Variants in NRG3 observed in about 807,000 individuals in gnomAD.
NRG3 encodes neuregulin 3, also known as pro-neuregulin-3, membrane-bound isoform.
In NRG3, 31 loss-of-function variants were observed where a neutral mutation model predicts 66.9. The observed-to-expected ratio is 0.46, with a 90% CI of 0.35 to 0.63. NRG3 has a LOEUF of 0.63. Among genes scored for constraint, NRG3 ranks in the 20% least tolerant of loss-of-function variants. The pLI is 0.00. For missense variants in NRG3, 910 were observed against 878.9 expected, an observed-to-expected ratio of 1.04 and a Z score of -0.45; for synonymous variants, 393 against 359.4, an observed-to-expected ratio of 1.09 and a Z score of -1.06.
intron 1 of NRG3, among the ~76,000 whole-genome samples, chr10:82,214,372 C>G (rs1186879057): frequency 6.6e-6 from 1 of 152,094 alleles, no homozygotes; most frequent in South Asian, 2.1e-4. Context: ...TTTGTCCCAG[C>G]AGGTGTTCCA....
intron 2 of NRG3, among the ~76,000 whole-genome samples, chr10:82,364,697 G>T (rs556895866): frequency 6.6e-6 from 1 of 152,300 alleles, no homozygotes; most frequent in Non-Finnish European, 1.5e-5. Flanking sequence ...TGCAAAAATG[G>T]ATTTTCAAAA....
At chr10:81,932,232 G>A (rs891983877) in intron 1 of NRG3, among the ~76,000 whole-genome samples, 4 of 150,368 alleles carry the variant, frequency 2.7e-5, no homozygotes, top group Non-Finnish European at 5.9e-5. Flanking sequence ...GAGAGATTGA[G>A]AGAGAGGAGA....
chr10:82,066,728 G>A (rs908658983), intron 1 of NRG3, among the ~76,000 whole-genome samples: 79 of 152,176 alleles, frequency 5.2e-4, no homozygotes, highest in Admixed American at 1.7e-3. Context: ...CTACACCAGT[G>A]AGTATAATGT....
chr10:82,590,221 T>G (rs553724019), intron 2 of NRG3, among the ~76,000 whole-genome samples: 1 of 152,296 alleles, frequency 6.6e-6, no homozygotes, highest in South Asian at 2.1e-4. Context: ...AATTTTTAGC[T>G]CTAGCAAAAC....
chr10:82,016,456 G>C (rs1361440961), intron 1 of NRG3, among the ~76,000 whole-genome samples: 1 of 152,062 alleles, frequency 6.6e-6, no homozygotes, highest in Non-Finnish European at 1.5e-5. Flanking sequence ...ACTATGGAAA[G>C]AGTGTGGAGT....
chr10:82,084,502 A>ACT (rs11458166), intron 1 of NRG3, among the ~76,000 whole-genome samples: 6,919 of 145,330 alleles, frequency 0.048, 567 homozygotes, highest in African/African-American at 0.16. Flanking sequence ...CATATATGAG[A>ACT]TTTTTTTTTT....
chr10:82,879,323 T>G lies in NRG3; in HGVS notation c.1054+13886T>G, dbSNP rs1269330131. Among the ~76,000 whole-genome samples, 3 of 152,310 alleles carry G rather than the reference T, an allele frequency of 2.0e-5. No individual in the cohort carries two copies. The East Asian group carries it at 5.8e-4, about 29-fold the overall frequency. The stretch of plus-strand genomic sequence containing the variant: ...TCTTAACTCTTAAGTTGCTTAAATG[T>G]CTAAAACGTATAAGCAAACCCACCC... On this transcript the variant is annotated intron_variant, in intron 4 of 8. Coordinates refer to ENST00000372141, the MANE Select transcript of NRG3 (RefSeq NM_001010848.4).
At chr10:82,564,296 A>G (rs2045248826) in intron 2 of NRG3, among the ~76,000 whole-genome samples, 1 of 152,120 alleles carries the variant, frequency 6.6e-6, no homozygotes, top group Non-Finnish European at 1.5e-5. Flanking sequence ...TTTTCTGTTG[A>G]TTCATTTTGC....
At chr10:82,557,082 G>A (rs2044702049) in intron 2 of NRG3, among the ~76,000 whole-genome samples, 2 of 152,090 alleles carry the variant, frequency 1.3e-5, no homozygotes, top group Non-Finnish European at 2.9e-5. Flanking sequence ...GCTATTGTGA[G>A]TAATGCTGCA....
intron 1 of NRG3, chr10:81,878,113 T>G: frequency 6.6e-7 from 1 of 1,505,528 alleles, no homozygotes; most frequent in Non-Finnish European, 8.8e-7. Context: ...TTTCTACCCC[T>G]CTATGCTCTC....
chr10:82,779,367 G>T (rs74684272), intron 3 of NRG3, among the ~76,000 whole-genome samples: 3,812 of 152,200 alleles, frequency 0.025, 157 homozygotes, highest in African/African-American at 0.087. Flanking sequence ...AGGCTTTCTC[G>T]TCTTATCTCT....
chr10:82,267,135 A>G (rs976644444), intron 1 of NRG3, among the ~76,000 whole-genome samples: 3 of 151,926 alleles, frequency 2.0e-5, no homozygotes, highest in East Asian at 1.9e-4. Flanking sequence ...ATTCTGTCCA[A>G]CTCCTTTGGT....
chr10:81,943,232 A>G (rs1417068265), intron 1 of NRG3, among the ~76,000 whole-genome samples: 1 of 152,076 alleles, frequency 6.6e-6, no homozygotes, highest in Non-Finnish European at 1.5e-5. Flanking sequence ...CATGAAAAAA[A>G]TAGCCAGGTA....
At chr10:82,307,453 G>C (rs561670846) in intron 1 of NRG3, among the ~76,000 whole-genome samples, 4 of 152,172 alleles carry the variant, frequency 2.6e-5, no homozygotes, top group African/African-American at 9.6e-5. Flanking sequence ...ATCGTAGGTT[G>C]TTACATTATG....
intron 1 of NRG3, among the ~76,000 whole-genome samples, chr10:82,176,966 C>T (rs968801174): frequency 4.6e-5 from 7 of 151,458 alleles, no homozygotes; most frequent in Admixed American, 2.0e-4. Context: ...CCACCCCTAG[C>T]TCCAAGACTC....
At chr10:82,768,158 G>A (rs2059586868) in intron 3 of NRG3, among the ~76,000 whole-genome samples, 1 of 152,156 alleles carries the variant, frequency 6.6e-6, no homozygotes, top group Non-Finnish European at 1.5e-5. Flanking sequence ...GTGTCTAGGA[G>A]TACGTATTGT....
intron 2 of NRG3, among the ~76,000 whole-genome samples, chr10:82,362,092 A>C: frequency 7.2e-6 from 1 of 138,522 alleles, no homozygotes; most frequent in Admixed American, 7.0e-5. Flanking sequence ...AAAAAAAAAA[A>C]AAAAAAAAAA....
rs187560516 is a variant in NRG3 at position 81,899,351 on chromosome 10, G to A, written c.823+23188G>A. ...TTCACCTAACATTTTGTTAGTTTAC[G>A]TGAAATAGTCAACAGATATGAAGAT... On this transcript the variant is annotated intron_variant, in intron 1 of 8. Transcript: ENST00000372141. 1.2e-3 allele frequency among the ~76,000 whole-genome samples: 179 copies of A among 152,312 alleles called. 1 individual carries two copies. Among genetic ancestry groups the A allele is most frequent in the Middle Eastern group, 0.01 (3 of 294 alleles).
intron 1 of NRG3, among the ~76,000 whole-genome samples, chr10:82,249,659 A>G (rs568685367): frequency 6.6e-6 from 1 of 152,236 alleles, no homozygotes; most frequent in African/African-American, 2.4e-5. Flanking sequence ...GAGGAAAAAC[A>G]CACAACCCAC....
Sources: gnomAD v4.1 joint callset for allele counts (sites outside exome capture counted in the v4.1 genomes callset) on GRCh38, gnomAD v4.1.1 for gene constraint, MANE v1.5 for transcripts, NCBI Gene and HGNC (gene_info 2026-07-23, HGNC 2026-07-21) for gene names.